The following CHST13 variants were observed in gnomAD, a reference collection of about 807,000 sequenced individuals.
CHST13 encodes C4ST-3.
CHST13 carries 1 observed loss-of-function variant against 7.0 expected under a neutral mutation model. That is an observed-to-expected ratio of 0.14 (90% CI 0.05 to 0.68). The LOEUF (loss-of-function observed/expected upper bound fraction) is 0.68. Among genes scored for constraint, CHST13 ranks in the 30% least tolerant of loss-of-function variants. CHST13 has a pLI of 0.82. For missense variants in CHST13, 572 were observed against 507.9 expected (o/e 1.13, Z -1.21); for synonymous variants, 257 against 240.9 (o/e 1.07, Z -0.62).
At position 126,541,912 on chromosome 3, in the gene CHST13, G is replaced by T; in HGVS notation, c.360G>T (p.Trp120Cys). 6.3e-7 allele frequency: 1 copy of T among 1,599,836 alleles called. No homozygotes were observed. The highest frequency in any genetic ancestry group is 1.7e-4 in the Middle Eastern group (1 of 6,018). Residue 120 changes from tryptophan to cysteine, a missense_variant, in exon 3 of 3, where the codon TGG (tryptophan) becomes TGT (cysteine). By Grantham distance (215) the Trp-to-Cys change is radical. Coordinates refer to ENST00000319340, the MANE Select transcript of CHST13 (RefSeq NM_152889.3). ...CYVPKVACTN[W>C]KRVLLALSGQ... ...TGCCCAAGGTGGCCTGCACCAACTG[G>T]AAGCGCGTGCTGCTGGCGCTGAGCG...
At chr3:126,539,721 C>G (rs1346394903) in intron 2 of CHST13, among the ~76,000 whole-genome samples, 1 of 108,490 alleles carries the variant, frequency 9.2e-6, no homozygotes, top group East Asian at 3.2e-4. Context: ...GCCACACACA[C>G]CCCCCACACC....
rs537242657 is a variant in CHST13 at position 126,540,059 on chromosome 3, C to T, written c.181-1674C>T. On this transcript the variant is annotated intron_variant, in intron 2 of 2. Coordinates refer to ENST00000319340, the MANE Select transcript of CHST13 (RefSeq NM_152889.3). ...CCACACACCACACAGAGACATCATG[C>T]ACCACAGGCACACACCACACGCGTG... 9.3e-4 allele frequency among the ~76,000 whole-genome samples: 140 copies of T among 150,310 alleles called. No individual in the cohort carries two copies. The Middle Eastern group carries it at 0.017, about 19-fold the overall frequency.
chr3:126,532,994 T>C (rs1180190167), intron 1 of CHST13, among the ~76,000 whole-genome samples: 2 of 152,234 alleles, frequency 1.3e-5, no homozygotes, highest in African/African-American at 4.8e-5. Context: ...TGTTACCAAC[T>C]TCTTCTTTAT....
chr3:126,534,644 G>A (rs139824030), intron 1 of CHST13, among the ~76,000 whole-genome samples: 1,671 of 147,640 alleles, frequency 0.011, 19 homozygotes, highest in African/African-American at 0.04. Flanking sequence ...GTCCTCAGCC[G>A]GGAGACAGAT....
intron 1 of CHST13, among the ~76,000 whole-genome samples, chr3:126,534,828 CAT>C (rs559254887): frequency 3.7e-4 from 55 of 150,088 alleles, no homozygotes; most frequent in African/African-American, 1.3e-3. Context: ...AGGAGACAGA[CAT>C]ACACAGAGAG....
Position 126,536,029 on chromosome 3 carries a change from C to T in CHST13, c.98-242C>T, listed in dbSNP as rs574502562. ...CTTGTCCCCTCTTGCCTAGTACCCT[C>T]CAACTTTGGAGGGTAGGACATGGGA... On this transcript the variant is annotated intron_variant, in intron 1 of 2. Coordinates refer to ENST00000319340, the MANE Select transcript of CHST13 (RefSeq NM_152889.3). Among the ~76,000 whole-genome samples, 9 of 152,306 alleles carry T rather than the reference C, an allele frequency of 5.9e-5. No homozygotes were observed. In the East Asian group the frequency reaches 1.7e-3, roughly 29 times the overall value.
At position 126,542,515 on chromosome 3, in the gene CHST13, C is replaced by T. The variant is rs774224959; in HGVS notation, c.963C>T (p.Asp321=). The stretch of plus-strand genomic sequence containing the variant: ...CCTTCTACCAGCGGCGCCTCTTCGA[C>T]CTCTACAAGATGGACTTCCTGCTTT... ...ISPFYQRRLF[D]LYKMDFLLFN... Residue 321 remains aspartate (D), a synonymous_variant, in exon 3 of 3, where the codon GAC becomes GAT. Coordinates refer to ENST00000319340, the MANE Select transcript of CHST13 (RefSeq NM_152889.3). 459 of 1,567,538 alleles carry T rather than the reference C, an allele frequency of 2.9e-4. No homozygotes were observed. The highest frequency in any genetic ancestry group is 3.7e-4 in the Non-Finnish European group (427 of 1,162,936).
intron 1 of CHST13, among the ~76,000 whole-genome samples, chr3:126,535,041 C>T (rs553276826): frequency 1.5e-5 from 2 of 132,988 alleles, no homozygotes; most frequent in East Asian, 2.5e-4. Context: ...CACACAGCAT[C>T]GCTGTCCTCA....
chr3:126,536,841 C>G (rs1490298802), intron 2 of CHST13, among the ~76,000 whole-genome samples: 1 of 151,310 alleles, frequency 6.6e-6, no homozygotes, highest in East Asian at 1.9e-4. Context: ...CTGTACCCCA[C>G]CACCAAGAAC....
At position 126,541,967 on chromosome 3, in the gene CHST13, T is replaced by G. The variant is rs1936968012; in HGVS notation, c.415T>G (p.Ser139Ala). 6.3e-7 allele frequency: 1 copy of G among 1,582,006 alleles called. No individual in the cohort carries two copies. The highest frequency in any genetic ancestry group is 8.6e-7 in the Non-Finnish European group (1 of 1,166,530). The change falls in exon 3 of 3, where the codon TCC (serine) becomes GCC (alanine). Residue 139 changes from serine (S) to alanine (A), a missense_variant. Coordinates refer to ENST00000319340, the MANE Select transcript of CHST13 (RefSeq NM_152889.3). ...AGCCCGCGGCGACCCGCGCGCCATC[T>G]CCGCGCAAGAGGCGCACGCGCCTGG... ...GQARGDPRAI[S>A]AQEAHAPGRL...
At chr3:126,529,463 C>T (rs886733387) in intron 1 of CHST13, 21 of 1,164,930 alleles carry the variant, frequency 1.8e-5, no homozygotes, top group South Asian at 9.8e-5. Context: ...ATGCTGGCAC[C>T]GGTGGCCTGG....
chr3:126,527,653 A>T (rs1936564800), intron 1 of CHST13: 1 of 152,298 alleles, frequency 6.6e-6, no homozygotes, highest in South Asian at 2.1e-4. Flanking sequence ...AGGGGAGCCT[A>T]TCGGAATCAC....
chr3:126,538,505 C>A (rs1936849472), intron 2 of CHST13, among the ~76,000 whole-genome samples: 1 of 152,250 alleles, frequency 6.6e-6, no homozygotes, highest in Non-Finnish European at 1.5e-5. Flanking sequence ...ACACACGAAG[C>A]TGAAGATATG....
At chr3:126,535,604 G>GGACA (rs1936773143) in intron 1 of CHST13, among the ~76,000 whole-genome samples, 1 of 59,372 alleles carries the variant, frequency 1.7e-5, no homozygotes, top group Non-Finnish European at 3.5e-5. Context: ...GGAGACAGCC[G>GGACA]GACAGCATCA....
At chr3:126,528,493 A>C (rs1023135899) in intron 1 of CHST13, among the ~76,000 whole-genome samples, 4 of 152,138 alleles carry the variant, frequency 2.6e-5, no homozygotes, top group Admixed American at 1.3e-4. Context: ...GGATTGCTGC[A>C]AGGAGTGAGA....
At chr3:126,531,141 G>A (rs1380956311) in intron 1 of CHST13, among the ~76,000 whole-genome samples, 3 of 152,266 alleles carry the variant, frequency 2.0e-5, no homozygotes, top group South Asian at 2.1e-4. Context: ...GTCAAAGCAC[G>A]CTCCCAGACC....
chr3:126,536,822 CACAT>C (rs1387796145), intron 2 of CHST13, among the ~76,000 whole-genome samples: 1 of 151,762 alleles, frequency 6.6e-6, no homozygotes, highest in Non-Finnish European at 1.5e-5. Context: ...CCCAAATACA[CACAT>C]ACAACTGTAC....
intron 2 of CHST13, among the ~76,000 whole-genome samples, chr3:126,541,471 A>C (rs1936954799): frequency 6.6e-6 from 1 of 152,184 alleles, no homozygotes. Flanking sequence ...TCCTCCTCTG[A>C]GTGCCCCACG....
At chr3:126,531,158 C>G (rs376619464) in intron 1 of CHST13, among the ~76,000 whole-genome samples, 4 of 152,268 alleles carry the variant, frequency 2.6e-5, no homozygotes, top group African/African-American at 4.8e-5. Context: ...GACCAGCAGC[C>G]GCAGCCTCAC....
Sources: gnomAD v4.1 joint callset for allele counts (sites outside exome capture counted in the v4.1 genomes callset) on GRCh38, gnomAD v4.1.1 for gene constraint, MANE v1.5 for transcripts, NCBI Gene and HGNC (gene_info 2026-07-23, HGNC 2026-07-21) for gene names.